Variants in TMTC2 observed in about 807,000 individuals in gnomAD.
TMTC2 encodes protein O-mannosyl-transferase TMTC2.
Under a neutral mutation model 82.4 loss-of-function variants are expected in TMTC2, and 43 were observed. That is an observed-to-expected ratio of 0.52 (90% confidence interval 0.41 to 0.67). The LOEUF (loss-of-function observed/expected upper bound fraction) is 0.67, where lower values mean the gene tolerates loss of function less well. Among genes scored for constraint, TMTC2 ranks in the 30% least tolerant of loss-of-function variants. The pLI, the probability that TMTC2 is intolerant of heterozygous loss-of-function variation, is 0.00. For synonymous variants in TMTC2, 408 were observed against 381.9 expected, an observed-to-expected ratio of 1.07 and a Z score of -0.80; for missense variants, 919 against 1,012.4, an observed-to-expected ratio of 0.91 and a Z score of 1.25.
At chr12:82,852,885 A>G (rs1292038067) in intron 1 of TMTC2, among the ~76,000 whole-genome samples, 1 of 152,170 alleles carries the variant, frequency 6.6e-6, no homozygotes, top group African/African-American at 2.4e-5. Flanking sequence ...AAATTCCAGT[A>G]CATTTTAGTC....
intron 1 of TMTC2, among the ~76,000 whole-genome samples, chr12:82,769,963 T>G (rs1565742665): frequency 6.6e-6 from 1 of 152,194 alleles, no homozygotes; most frequent in Non-Finnish European, 1.5e-5. Flanking sequence ...AATATAGTTC[T>G]CTCATCCCTG....
chr12:82,749,062 G>C (rs1875840917), intron 1 of TMTC2, among the ~76,000 whole-genome samples: 1 of 152,190 alleles, frequency 6.6e-6, no homozygotes, highest in Admixed American at 6.5e-5. Context: ...AATAAGTGTA[G>C]CTTCTTGTTT....
In TMTC2 at chr12:82,687,814, C is replaced by G. The variant is rs546004482; in HGVS notation, c.83+145C>G. 392 of 760,014 alleles carry G rather than the reference C, an allele frequency of 5.2e-4. No homozygotes were observed. Among genetic ancestry groups the G allele is most frequent in the Non-Finnish European group, 7.5e-4 (360 of 478,752 alleles). The allele number at this position is 760,014 out of a possible 1,614,324, so 47.1% of individuals were successfully genotyped here. A position where few individuals can be genotyped will look rare whatever the true frequency, so the allele number is the denominator to read the frequency against. ...TTAGGCGACACGTAAACATTAACAC[C>G]TAAATCAAACACCGGGGACGTGAGG... On this transcript the variant is annotated intron_variant, in intron 1 of 11. Coordinates refer to ENST00000321196, the MANE Select transcript of TMTC2 (RefSeq NM_152588.3).
chr12:82,959,455 G>A (rs1788432524), intron 4 of TMTC2, among the ~76,000 whole-genome samples: 1 of 152,000 alleles, frequency 6.6e-6, no homozygotes, highest in African/African-American at 2.4e-5. Flanking sequence ...AAAACAGCAT[G>A]GTACTGATAC....
At chr12:83,092,239 C>T (rs771289206) in intron 11 of TMTC2, among the ~76,000 whole-genome samples, 2 of 152,168 alleles carry the variant, frequency 1.3e-5, no homozygotes, top group Non-Finnish European at 2.9e-5. Flanking sequence ...GTTCCTCCCA[C>T]ACAAAGGCTA....
At chr12:83,076,296 G>C (rs77636186) in intron 11 of TMTC2, among the ~76,000 whole-genome samples, 2 of 152,104 alleles carry the variant, frequency 1.3e-5, no homozygotes. Context: ...GTAGCTCTTG[G>C]CTATAAAGAA....
chr12:82,965,658 C>G lies in TMTC2; in HGVS notation c.1783C>G (p.Leu595Val), dbSNP rs766555429. 1 of 1,613,664 alleles carries G rather than the reference C, an allele frequency of 6.2e-7. No individual in the cohort carries two copies. Among genetic ancestry groups the G allele is most frequent in the Non-Finnish European group, 8.5e-7 (1 of 1,179,778 alleles). The change falls in exon 6 of 12, where the codon CTA (leucine) becomes GTA (valine). Residue 595 changes from leucine (L) to valine (V), a missense_variant. Physicochemically the swap from Leu to Val is conservative, Grantham distance 32. Transcript: ENST00000321196. ...GTGTTCGGAGATCCCAGATGAAAAC[C>G]TAAAGGACCCTCATGCACACAAGAG... is the stretch of plus-strand genomic sequence containing the variant. Reference protein sequence around the residue: ...LKCSEIPDENLKDPHAHKSSV... With the variant: ...LKCSEIPDENVKDPHAHKSSV...
chr12:82,844,813 AG>A (rs1441615700), intron 1 of TMTC2, among the ~76,000 whole-genome samples: 1 of 151,920 alleles, frequency 6.6e-6, no homozygotes, highest in Non-Finnish European at 1.5e-5. Context: ...AAAAAAAAAA[AG>A]AATCTAGTGT....
chr12:82,952,774 T>C (rs1459358414), intron 4 of TMTC2, among the ~76,000 whole-genome samples: 1 of 152,130 alleles, frequency 6.6e-6, no homozygotes, highest in Non-Finnish European at 1.5e-5. Context: ...GGTTTCACCA[T>C]GTTGGCCAGG....
chr12:82,875,774 T>A (rs929600560), intron 2 of TMTC2, among the ~76,000 whole-genome samples: 17 of 152,100 alleles, frequency 1.1e-4, no homozygotes, highest in Non-Finnish European at 2.2e-4. Context: ...CTTGTGGTGT[T>A]AGGGCACTTG....
At chr12:82,835,286 A>G (rs1273220265) in intron 1 of TMTC2, among the ~76,000 whole-genome samples, 3 of 152,352 alleles carry the variant, frequency 2.0e-5, no homozygotes, top group Non-Finnish European at 2.9e-5. Flanking sequence ...TGTAGACACT[A>G]TAGCTTTTTG....
chr12:82,803,376 C>T (rs970545708), intron 1 of TMTC2, among the ~76,000 whole-genome samples: 2 of 152,128 alleles, frequency 1.3e-5, no homozygotes, highest in African/African-American at 4.8e-5. Context: ...GATGGTTCAG[C>T]AGTTATCACA....
At chr12:82,862,230 G>A (rs937048491) in intron 2 of TMTC2, among the ~76,000 whole-genome samples, 3 of 152,152 alleles carry the variant, frequency 2.0e-5, no homozygotes, top group Non-Finnish European at 4.4e-5. Flanking sequence ...TTTTTTACAA[G>A]CCTCTCATGA....
chr12:82,829,983 G>T (rs920819035), intron 1 of TMTC2, among the ~76,000 whole-genome samples: 3 of 152,174 alleles, frequency 2.0e-5, no homozygotes, highest in Non-Finnish European at 4.4e-5. Context: ...TAGCCAGAAA[G>T]GTGAGCAGAG....
At chr12:82,920,470 G>A (rs1174029672) in intron 3 of TMTC2, among the ~76,000 whole-genome samples, 1 of 152,086 alleles carries the variant, frequency 6.6e-6, no homozygotes, top group Non-Finnish European at 1.5e-5. Flanking sequence ...GCCTTTCAAA[G>A]AACATCAAAC....
At chr12:82,693,096 ATTC>A (rs1872644760) in intron 1 of TMTC2, among the ~76,000 whole-genome samples, 3 of 152,186 alleles carry the variant, frequency 2.0e-5, no homozygotes, top group Non-Finnish European at 4.4e-5. Flanking sequence ...AACATTGTGC[ATTC>A]TTACCTGTAC....
At chr12:82,812,415 GT>G (rs1243706818) in intron 1 of TMTC2, among the ~76,000 whole-genome samples, 1 of 152,068 alleles carries the variant, frequency 6.6e-6, no homozygotes, top group African/African-American at 2.4e-5. Flanking sequence ...AAATCTGCAT[GT>G]CATAAAATTT....
intron 9 of TMTC2, among the ~76,000 whole-genome samples, chr12:83,031,494 GTA>G (rs1881429220): frequency 6.6e-6 from 1 of 152,144 alleles, no homozygotes; most frequent in African/African-American, 2.4e-5. Flanking sequence ...GTGAGGCAAA[GTA>G]TATAGCTGGT....
At chr12:82,834,545 C>T (rs147347958) in intron 1 of TMTC2, among the ~76,000 whole-genome samples, 25 of 152,280 alleles carry the variant, frequency 1.6e-4, no homozygotes, top group East Asian at 1.4e-3. Context: ...ACAGAGTAAT[C>T]GCTCTTTGCT....
Sources: gnomAD v4.1 joint callset for allele counts (sites outside exome capture counted in the v4.1 genomes callset) on GRCh38, gnomAD v4.1.1 for gene constraint, MANE v1.5 for transcripts, NCBI Gene and HGNC (gene_info 2026-07-23, HGNC 2026-07-21) for gene names.